HUWE1: variants seen among roughly 807,000 people sequenced by gnomAD.
HUWE1 encodes the protein E3 ubiquitin-protein ligase HUWE1.
A neutral mutation model predicts 299.4 loss-of-function variants in HUWE1; 18 were observed. That is an observed-to-expected ratio of 0.06 (90% CI 0.04 to 0.09). The LOEUF (loss-of-function observed/expected upper bound fraction) is 0.09. Ranked by LOEUF, HUWE1 falls within the 10% of genes least tolerant of loss-of-function variation. The probability of loss-of-function intolerance (pLI) is 1.00; values close to 1 mark genes in which losing one functional copy is unlikely to be tolerated. For missense variants in HUWE1, 1,832 were observed against 3,462.3 expected, an observed-to-expected ratio of 0.53 and a Z score of 11.82; for synonymous variants, 1,317 against 1,286.1, an observed-to-expected ratio of 1.02 and a Z score of -0.51.
intron 3 of HUWE1, among the ~76,000 whole-genome samples, chrX:53,661,428 T>G (rs1391615673): frequency 8.9e-6 from 1 of 111,836 alleles, no homozygotes; most frequent in Admixed American, 9.5e-5. Context: ...GAATCCTATT[T>G]GTTTGAAAAA....
intron 3 of HUWE1, 52 bp from the exon 4 acceptor site, chrX:53,654,183 GCTCTACA>G: frequency 1.4e-6 from 1 of 739,134 alleles, no homozygotes; most frequent in Non-Finnish European, 2.1e-6. Context: ...ACAATCTTGA[GCTCTACA>G]AGCTTGGACA....
At chrX:53,581,787 A>G (rs955562312) in intron 42 of HUWE1, among the ~76,000 whole-genome samples, 1 of 111,808 alleles carries the variant, frequency 8.9e-6, no homozygotes, top group Non-Finnish European at 1.9e-5. Context: ...TTTAATTTCA[A>G]TATTAAGGAT....
intron 28 of HUWE1, 39 bp downstream of exon 28, chrX:53,602,525 T>A: frequency 1.2e-6 from 1 of 803,017 alleles, no homozygotes; most frequent in Non-Finnish European, 1.9e-6. Flanking sequence ...GGAACAAAAC[T>A]TAGAAGTAAT....
intron 43 of HUWE1, 104 bp downstream of exon 43, chrX:53,580,727 G>A (rs1305791077): frequency 4.1e-5 from 32 of 773,943 alleles, no homozygotes; most frequent in Non-Finnish European, 6.0e-5. Flanking sequence ...CCTAATACTT[G>A]CCTAAGGAGG....
chrX:53,550,546 G>A, intron 66 of HUWE1, 120 bp downstream of exon 66: 1 of 622,725 alleles, frequency 1.6e-6, no homozygotes, highest in Non-Finnish European at 2.7e-6. Flanking sequence ...TCAAGGAAAT[G>A]GCTTAGAGAG....
chrX:53,579,701 A>G (rs1294235115), intron 43 of HUWE1, among the ~76,000 whole-genome samples: 1 of 98,011 alleles, frequency 1.0e-5, no homozygotes, highest in Non-Finnish European at 2.1e-5. Flanking sequence ...GGTTAAATGG[A>G]TTAAGGGCGG....
intron 43 of HUWE1, among the ~76,000 whole-genome samples, 184 bp from the exon 44 acceptor site, chrX:53,577,251 T>C (rs2063151008): frequency 9.1e-6 from 1 of 110,407 alleles, no homozygotes; most frequent in African/African-American, 3.3e-5. Flanking sequence ...TCCACAGGAT[T>C]TAATATAGCA....
intron 45 of HUWE1, 80 bp downstream of exon 45, chrX:53,575,563 C>T (rs902098131): frequency 1.7e-5 from 17 of 1,006,076 alleles, no homozygotes; most frequent in Middle Eastern, 2.6e-4. Context: ...TGAAATTCCC[C>T]GGGGATAGCC....
chrX:53,607,749 A>G (rs782254985), intron 24 of HUWE1, 50 bp from the exon 25 acceptor site: 136 of 852,938 alleles, frequency 1.6e-4, no homozygotes, highest in Non-Finnish European at 2.1e-4. Context: ...AGGTGGAACT[A>G]AATGGCCAGC....
chrX:53,582,356 C>G (rs782449272), intron 42 of HUWE1, among the ~76,000 whole-genome samples: 1 of 112,372 alleles, frequency 8.9e-6, no homozygotes, highest in South Asian at 3.7e-4. Flanking sequence ...TACAAGCTAC[C>G]TTTAACAGCT....
intron 61 of HUWE1, among the ~76,000 whole-genome samples, chrX:53,554,286 T>G (rs781811171): frequency 1.8e-5 from 2 of 110,388 alleles, no homozygotes; most frequent in South Asian, 7.9e-4. Context: ...CTCAAACTCC[T>G]GAGCTCAAAT....
chrX:53,648,356 G>T, intron 4 of HUWE1, 46 bp from the exon 5 acceptor site: 1 of 798,685 alleles, frequency 1.3e-6, no homozygotes, highest in Non-Finnish European at 1.9e-6. Context: ...GAATGAGGGA[G>T]TTGCAAATAA....
chrX:53,571,146 G>A (rs2062807731), intron 47 of HUWE1, among the ~76,000 whole-genome samples: 1 of 111,867 alleles, frequency 8.9e-6, no homozygotes, highest in African/African-American at 3.3e-5. Context: ...CTTGCAGTGT[G>A]GAGGTGAGGA....
chrX:53,561,708 G>A, intron 55 of HUWE1, 48 bp downstream of exon 55: 2 of 1,208,616 alleles, frequency 1.7e-6, no homozygotes, highest in Non-Finnish European at 2.2e-6. Flanking sequence ...CCTAGAGAAG[G>A]GTATAAGAAT....
chrX:53,570,932 A>T (rs1460010727), intron 47 of HUWE1, among the ~76,000 whole-genome samples: 1 of 112,881 alleles, frequency 8.9e-6, no homozygotes, highest in Non-Finnish European at 1.9e-5. Context: ...AAAACAAAAC[A>T]ATTAGAAATA....
chrX:53,568,603 A>G (rs919062568), intron 49 of HUWE1, 89 bp downstream of exon 49: 5 of 917,977 alleles, frequency 5.4e-6, no homozygotes, highest in African/African-American at 3.9e-5. Flanking sequence ...CTTGTACCCA[A>G]AGTTTTCCCA....
chrX:53,684,840 C>A (rs1307512689), intron 2 of HUWE1, among the ~76,000 whole-genome samples: 1 of 112,342 alleles, frequency 8.9e-6, no homozygotes, highest in Admixed American at 9.4e-5. Flanking sequence ...CCATCTTAAT[C>A]TAACTAAAGG....
rs1556979944 is a variant in HUWE1, at chrX:53,592,435, C to T, written c.3935G>A (p.Arg1312His). The T allele has an allele frequency of 6.6e-6, 8 of 1,210,175 alleles. No individual in the cohort carries two copies. The highest frequency in any genetic ancestry group is 8.9e-6 in the Non-Finnish European group (8 of 894,800). Residue 1312 changes from arginine (R) to histidine (H), a missense_variant, in exon 33 of 84, where the codon CGC (arginine) becomes CAC (histidine). Arg to His is a conservative substitution (Grantham distance 29). Coordinates refer to ENST00000262854, the MANE Select transcript of HUWE1 (RefSeq NM_031407.7). Reference protein sequence around the residue: ...EDTGQEEGGSRREPQVNQQQL... With the variant: ...EDTGQEEGGSHREPQVNQQQL... ...TTGCTGGTTGACTTGAGGTTCCCGGCGGGAGCCACCTTCCTCTTGCCCTGT... is the reference window on the plus strand; with the variant it reads ...TTGCTGGTTGACTTGAGGTTCCCGGTGGGAGCCACCTTCCTCTTGCCCTGT...
chrX:53,583,505 G>T, intron 42 of HUWE1, 53 bp downstream of exon 42: 1 of 860,497 alleles, frequency 1.2e-6, no homozygotes, highest in Non-Finnish European at 1.7e-6. Context: ...AGACCAAGGA[G>T]AACATAGGTA....
Sources: gnomAD v4.1 joint callset for allele counts (sites outside exome capture counted in the v4.1 genomes callset) on GRCh38, gnomAD v4.1.1 for gene constraint, MANE v1.5 for transcripts, NCBI Gene and HGNC (gene_info 2026-07-23, HGNC 2026-07-21) for gene names.